Variants in KAZN observed in about 807,000 individuals in gnomAD.
KAZN encodes the protein kazrin.
KAZN carries 40 observed loss-of-function variants against 87.4 expected under a neutral mutation model. The observed-to-expected ratio is 0.46, with a 90% CI of 0.36 to 0.60. The LOEUF is 0.60. KAZN is among the 20% of genes least tolerant of loss of function. The pLI is 0.00. For missense variants in KAZN, 898 were observed against 1,073.9 expected (o/e 0.84, Z 2.29); for synonymous variants, 466 against 458.3 (o/e 1.02, Z -0.22).
At chr1:14,958,059 G>A (rs1663363061) in intron 1 of KAZN, among the ~76,000 whole-genome samples, 1 of 152,170 alleles carries the variant, frequency 6.6e-6, no homozygotes, top group African/African-American at 2.4e-5. Flanking sequence ...CCGCTGGTGG[G>A]AGAGAGGCGC....
chr1:14,047,553 G>A (rs1478280192), intron 1 of KAZN, among the ~76,000 whole-genome samples: 1 of 152,254 alleles, frequency 6.6e-6, no homozygotes, highest in South Asian at 2.1e-4. Flanking sequence ...CAAGCTGCTT[G>A]CAGTACTTCT....
intron 1 of KAZN, among the ~76,000 whole-genome samples, chr1:14,633,286 T>C (rs532432847): frequency 6.6e-6 from 1 of 152,290 alleles, no homozygotes; most frequent in South Asian, 2.1e-4. Context: ...CAAAACTTTG[T>C]ATGGCAGATG....
chr1:14,729,174 G>A (rs890249029), intron 1 of KAZN, among the ~76,000 whole-genome samples: 1 of 152,190 alleles, frequency 6.6e-6, no homozygotes, highest in South Asian at 2.1e-4. Flanking sequence ...CCCTGCCCAC[G>A]TCTAGGGCCT....
At chr1:14,213,555 C>T (rs1444128216) in intron 2 of KAZN, among the ~76,000 whole-genome samples, 2 of 152,074 alleles carry the variant, frequency 1.3e-5, no homozygotes, top group Non-Finnish European at 2.9e-5. Flanking sequence ...GCACAGAGGC[C>T]AGTATGGTTG....
At chr1:14,668,648 C>T (rs1185109273) in intron 1 of KAZN, among the ~76,000 whole-genome samples, 2 of 152,162 alleles carry the variant, frequency 1.3e-5, no homozygotes, top group Non-Finnish European at 2.9e-5. Context: ...GTTGCCTCCT[C>T]CCCTCCCTGC....
intron 1 of KAZN, among the ~76,000 whole-genome samples, chr1:14,904,461 C>T (rs2101302142): frequency 6.6e-6 from 1 of 152,316 alleles, no homozygotes; most frequent in South Asian, 2.1e-4. Context: ...CTTTGCTACC[C>T]AGTTCCAAAC....
intron 1 of KAZN, among the ~76,000 whole-genome samples, chr1:14,850,586 A>G (rs1349514812): frequency 6.6e-6 from 1 of 152,110 alleles, no homozygotes; most frequent in Non-Finnish European, 1.5e-5. Context: ...CTTCCACCTC[A>G]CTGCCATGGC....
At chr1:14,929,118 G>C (rs1018468254) in intron 1 of KAZN, among the ~76,000 whole-genome samples, 1 of 152,252 alleles carries the variant, frequency 6.6e-6, no homozygotes, top group Non-Finnish European at 1.5e-5. Flanking sequence ...TTGGAAATTG[G>C]ACAGGAATCT....
chr1:14,315,918 C>T (rs1482310716), intron 2 of KAZN, among the ~76,000 whole-genome samples: 1 of 151,736 alleles, frequency 6.6e-6, no homozygotes, highest in East Asian at 1.9e-4. Flanking sequence ...GTATATAGTG[C>T]AAGTGGAATT....
rs1490708236 is a variant in KAZN, at chr1:14,893,502, G to C, written c.227-67182G>C. ...AGCAAAGCCCTTGCTGATGCTGAAA[G>C]ATGAGTGAGAGGAAGAGCGCTCGCT... On this transcript the variant is annotated intron_variant, in intron 1 of 14. Transcript: ENST00000376030. Among the ~76,000 whole-genome samples, 4 of 152,220 alleles carry C rather than the reference G, an allele frequency of 2.6e-5. No homozygotes were observed. The East Asian group carries it at 7.7e-4, about 29-fold the overall frequency.
At chr1:14,838,939 T>A (rs1189193503) in intron 1 of KAZN, among the ~76,000 whole-genome samples, 1 of 152,104 alleles carries the variant, frequency 6.6e-6, no homozygotes, top group East Asian at 1.9e-4. Context: ...TTAAACCTAC[T>A]CCAGGTTTGC....
intron 1 of KAZN, among the ~76,000 whole-genome samples, chr1:13,897,999 G>A (rs1639107854): frequency 6.6e-6 from 1 of 152,210 alleles, no homozygotes; most frequent in Non-Finnish European, 1.5e-5. Flanking sequence ...GGCCAGGCAG[G>A]CATGACCAAT....
chr1:14,476,109 T>C (rs370877916), intron 2 of KAZN, among the ~76,000 whole-genome samples: 2 of 152,210 alleles, frequency 1.3e-5, no homozygotes, highest in African/African-American at 4.8e-5. Flanking sequence ...ACAGGTTATG[T>C]GGCACGTACA....
chr1:15,095,388 A>G (rs538228661), intron 10 of KAZN, among the ~76,000 whole-genome samples: 90 of 152,290 alleles, frequency 5.9e-4, no homozygotes, highest in African/African-American at 2.1e-3. Context: ...AACCTCTCCC[A>G]TAGAGGAGCG....
chr1:14,407,913 T>C (rs143013553), intron 2 of KAZN, among the ~76,000 whole-genome samples: 234 of 152,298 alleles, frequency 1.5e-3, no homozygotes, highest in African/African-American at 5.3e-3. Flanking sequence ...TTTTTAGACA[T>C]TTCATTATTT....
chr1:14,263,886 A>G (rs1192016662), intron 2 of KAZN, among the ~76,000 whole-genome samples: 1 of 152,258 alleles, frequency 6.6e-6, no homozygotes, highest in Admixed American at 6.5e-5. Context: ...TGCATCTGCC[A>G]GGGGGATAGT....
chr1:14,539,570 T>G (rs1672691923), intron 2 of KAZN, among the ~76,000 whole-genome samples: 1 of 152,190 alleles, frequency 6.6e-6, no homozygotes, highest in South Asian at 2.1e-4. Context: ...AAAATTGTTC[T>G]AAAGAGAATG....
In KAZN at chr1:15,103,457, G is replaced by A. The variant is rs1372413901; in HGVS notation, c.1878G>A (p.Leu626=). 1 of 1,546,322 alleles carries A rather than the reference G, an allele frequency of 6.5e-7. No individual in the cohort carries two copies. The highest frequency in any genetic ancestry group is 8.7e-7 in the Non-Finnish European group (1 of 1,144,618). ...TCAAGTGGGTTCGAGACATCGACCT[G>A]AAGGTGAGGGTGATAGCGGAGGTCG... The part of the protein sequence containing the change: ...RVLKWVRDID[L]KEYADNLTNS... Residue 626 remains leucine (L), a synonymous_variant, in exon 12 of 15, where the codon CTG becomes CTA. Transcript: ENST00000376030.
Position 14,382,307 on chromosome 1 carries a change from TAGA to T in KAZN, c.249+201720_249+201722del, listed in dbSNP as rs369089386. Among the ~76,000 whole-genome samples the T allele has an allele frequency of 2.9e-3, 439 of 152,240 alleles. 1 individual carries two copies. The highest frequency in any genetic ancestry group is 9.6e-3 in the African/African-American group (398 of 41,546). On this transcript the variant is annotated intron_variant, in intron 2 of 16. Coordinates refer to the KAZN transcript ENST00000636203. ...ATCAAAATACCATTCTTCACAGAAA[TAGA>T]AGAAACAATTCTTTTTTTTATTATA...
Sources: gnomAD v4.1 joint callset for allele counts (sites outside exome capture counted in the v4.1 genomes callset) on GRCh38, gnomAD v4.1.1 for gene constraint, MANE v1.5 for transcripts, NCBI Gene and HGNC (gene_info 2026-07-23, HGNC 2026-07-21) for gene names.